The following AOAH variants were observed in gnomAD, a reference collection of about 807,000 sequenced individuals.
AOAH encodes acyloxyacyl hydrolase (neutrophil).
Under a neutral mutation model 92.2 loss-of-function variants are expected in AOAH, and 64 were observed. The observed-to-expected ratio is 0.69, with a 90% CI of 0.57 to 0.86. AOAH has a LOEUF of 0.86. Ranked by LOEUF, AOAH falls within the 40% of genes least tolerant of loss-of-function variation. The pLI is 0.00. For synonymous variants in AOAH, 263 were observed against 254.5 expected (o/e 1.03, Z -0.32); for missense variants, 656 against 694.6 (o/e 0.94, Z 0.62).
intron 13 of AOAH, among the ~76,000 whole-genome samples, chr7:36,556,194 C>T (rs1387414861): frequency 6.6e-6 from 1 of 152,032 alleles, no homozygotes; most frequent in African/African-American, 2.4e-5. Context: ...TCTTTGTTCT[C>T]GTTGGTTTCA....
In AOAH at chr7:36,573,704, C is replaced by T. The variant is rs543674886; in HGVS notation, c.1021+2870G>A. 3.2e-4 allele frequency among the ~76,000 whole-genome samples: 49 copies of T among 152,028 alleles called. No homozygotes were observed. The Middle Eastern group carries it at 0.014, about 42-fold the overall frequency. ...CTGCACTCCAGCCTGGGCGACAGAGCGAGACTCTGTCTCAAAAAAATAAAA... is the reference window on the plus strand; with the variant it reads ...CTGCACTCCAGCCTGGGCGACAGAGTGAGACTCTGTCTCAAAAAAATAAAA... On this transcript the variant is annotated intron_variant, in intron 13 of 20. Coordinates refer to ENST00000617537, the MANE Select transcript of AOAH (RefSeq NM_001637.4).
At chr7:36,559,663 G>C (rs199748094) in intron 13 of AOAH, among the ~76,000 whole-genome samples, 1 of 152,054 alleles carries the variant, frequency 6.6e-6, no homozygotes. Flanking sequence ...TTGATTGGAT[G>C]CATCATTTGT....
At chr7:36,629,515 C>A (rs116158826) in intron 6 of AOAH, among the ~76,000 whole-genome samples, 2,012 of 152,270 alleles carry the variant, frequency 0.013, 44 homozygotes, top group African/African-American at 0.046. Context: ...TCTTTCATGT[C>A]TGATATCTGC....
intron 3 of AOAH, among the ~76,000 whole-genome samples, chr7:36,673,394 C>T (rs548127028): frequency 2.9e-5 from 3 of 104,142 alleles, no homozygotes; most frequent in East Asian, 3.5e-4. Context: ...AAAAATTAGC[C>T]GGTGTGGTGG....
intron 4 of AOAH, among the ~76,000 whole-genome samples, chr7:36,638,876 G>C (rs950898577): frequency 6.6e-6 from 1 of 152,198 alleles, no homozygotes; most frequent in African/African-American, 2.4e-5. Flanking sequence ...AAAGACTACT[G>C]TGCCAGTTGG....
At chr7:36,567,000 C>A (rs775695075) in intron 13 of AOAH, among the ~76,000 whole-genome samples, 1 of 152,048 alleles carries the variant, frequency 6.6e-6, no homozygotes, top group Non-Finnish European at 1.5e-5. Context: ...TTAGTACAGA[C>A]GGGGCTTCAC....
intron 13 of AOAH, among the ~76,000 whole-genome samples, chr7:36,572,400 T>C (rs914928995): frequency 1.3e-5 from 2 of 151,854 alleles, no homozygotes; most frequent in Admixed American, 6.6e-5. Flanking sequence ...GGTACATGCA[T>C]GTGGTCCCAG....
chr7:36,547,197 A>G (rs76484343), intron 15 of AOAH, among the ~76,000 whole-genome samples: 2,224 of 152,282 alleles, frequency 0.015, 33 homozygotes, highest in Middle Eastern at 0.041. Flanking sequence ...CATTTACTGG[A>G]AAGTCCCCGG....
At chr7:36,684,458 C>T (rs558782298) in intron 2 of AOAH, among the ~76,000 whole-genome samples, 3 of 152,220 alleles carry the variant, frequency 2.0e-5, no homozygotes, top group African/African-American at 7.2e-5. Flanking sequence ...TCCTAGATGC[C>T]TTTCCACTAA....
In AOAH at chr7:36,513,206, G is replaced by A. The variant is rs1014592905; in HGVS notation, c.*46C>T. 7 of 1,614,040 alleles carry A rather than the reference G, an allele frequency of 4.3e-6. No homozygotes were observed. Among genetic ancestry groups the A allele is most frequent in the African/African-American group, 1.3e-5 (1 of 74,920 alleles). The stretch of plus-strand genomic sequence containing the variant: ...GGGTTTGTGGAATGAGTTTACCCAA[G>A]CCTCTGCCTCCCTGTGCTCCCCAGG... On this transcript the variant is annotated 3_prime_UTR_variant, in exon 21 of 21. Coordinates refer to ENST00000617537, the MANE Select transcript of AOAH (RefSeq NM_001637.4).
chr7:36,709,881 C>T (rs1798652863), intron 1 of AOAH, among the ~76,000 whole-genome samples: 1 of 152,112 alleles, frequency 6.6e-6, no homozygotes, highest in African/African-American at 2.4e-5. Context: ...ACCAAAAACC[C>T]CCAAAGCCCA....
intron 1 of AOAH, among the ~76,000 whole-genome samples, chr7:36,712,223 T>C (rs1175757440): frequency 6.6e-6 from 1 of 152,214 alleles, no homozygotes; most frequent in Non-Finnish European, 1.5e-5. Flanking sequence ...TGGCCACCTC[T>C]GTGTTCATCA....
chr7:36,615,095 G>A (rs1353606388), intron 11 of AOAH, among the ~76,000 whole-genome samples: 3 of 152,070 alleles, frequency 2.0e-5, no homozygotes, highest in African/African-American at 7.2e-5. Context: ...CAAACTTCCC[G>A]AGTCTGGCTT....
chr7:36,571,751 G>A (rs780096151), intron 13 of AOAH, among the ~76,000 whole-genome samples: 166 of 152,238 alleles, frequency 1.1e-3, no homozygotes, highest in Middle Eastern at 3.4e-3. Context: ...TGTCTCTTAG[G>A]ATCTGGGTAT....
chr7:36,570,480 T>A (rs1448046253), intron 13 of AOAH, among the ~76,000 whole-genome samples: 1 of 152,212 alleles, frequency 6.6e-6, no homozygotes, highest in Non-Finnish European at 1.5e-5. Context: ...AGTGCACATA[T>A]CTCTTTGAGA....
intron 13 of AOAH, among the ~76,000 whole-genome samples, chr7:36,557,617 T>C (rs1415209744): frequency 3.3e-5 from 5 of 152,266 alleles, no homozygotes; most frequent in Admixed American, 3.3e-4. Context: ...CACTTTCAGG[T>C]ACACCAATCA....
chr7:36,707,042 CTT>C (rs70977182), intron 1 of AOAH, among the ~76,000 whole-genome samples: 32,362 of 145,538 alleles, frequency 0.22, 3,921 homozygotes, highest in African/African-American at 0.34. Flanking sequence ...TTTCTCTTTT[CTT>C]TTTTTTTTTT....
At chr7:36,618,150 G>T in intron 10 of AOAH, 147 bp downstream of exon 10, 1 of 603,454 alleles carries the variant, frequency 1.7e-6, no homozygotes, top group Admixed American at 2.9e-5. Context: ...TTTCTGATCT[G>T]TCATGAAAAT....
chr7:36,539,381 T>C (rs139957301), intron 16 of AOAH, among the ~76,000 whole-genome samples: 1 of 152,320 alleles, frequency 6.6e-6, no homozygotes, highest in East Asian at 1.9e-4. Flanking sequence ...GGCCTCTTCT[T>C]ATAGATGCTC....
Sources: allele counts gnomAD v4.1 joint callset (sites outside exome capture counted in the v4.1 genomes callset), GRCh38; gene constraint gnomAD v4.1.1; transcripts MANE v1.5; gene names NCBI Gene and HGNC (gene_info 2026-07-23, HGNC 2026-07-21).